ATP2B1: variants seen among roughly 807,000 people sequenced by gnomAD.
ATP2B1 encodes ATPase plasma membrane Ca2+ transporting 1, also known as plasma membrane calcium-transporting ATPase 1.
A neutral mutation model predicts 124.2 loss-of-function variants in ATP2B1; 14 were observed. That is an observed-to-expected ratio of 0.11 (90% CI 0.07 to 0.18). The LOEUF is 0.18. Among genes scored for constraint, ATP2B1 ranks in the 10% least tolerant of loss-of-function variants. ATP2B1 has a pLI of 1.00. For synonymous variants in ATP2B1, 449 were observed against 492.4 expected (o/e 0.91, Z 1.17); for missense variants, 763 against 1,466.1 (o/e 0.52, Z 7.83).
chr12:89,653,113 C>A (rs955523806), intron 2 of ATP2B1, among the ~76,000 whole-genome samples: 7 of 151,906 alleles, frequency 4.6e-5, no homozygotes, highest in African/African-American at 1.7e-4. Context: ...TTCAAAAAAA[C>A]AAATTGTGTA....
intron 1 of ATP2B1, among the ~76,000 whole-genome samples, chr12:89,667,615 TATCTGAG>T (rs1887469094): frequency 6.6e-6 from 1 of 152,180 alleles, no homozygotes. Flanking sequence ...GTCCCAAAGG[TATCTGAG>T]TAAACTCTAT....
chr12:89,671,651 C>A (rs540077431), intron 1 of ATP2B1, among the ~76,000 whole-genome samples: 9 of 152,144 alleles, frequency 5.9e-5, no homozygotes, highest in African/African-American at 1.9e-4. Flanking sequence ...CCAAACATAC[C>A]GCTTGTTCTG....
intron 1 of ATP2B1, among the ~76,000 whole-genome samples, chr12:89,689,614 G>A (rs900032524): frequency 6.6e-6 from 1 of 152,046 alleles, no homozygotes; most frequent in Non-Finnish European, 1.5e-5. Flanking sequence ...CAGCTCTGGG[G>A]CTGCCTTATT....
At chr12:89,650,509 T>G (rs900812464) in intron 2 of ATP2B1, among the ~76,000 whole-genome samples, 2 of 152,262 alleles carry the variant, frequency 1.3e-5, no homozygotes, top group East Asian at 1.9e-4. Context: ...ACACTGTGGG[T>G]TTTGTGTGTT....
chr12:89,624,480 A>T, intron 8 of ATP2B1, 83 bp from the exon 9 acceptor site: 1 of 1,125,706 alleles, frequency 8.9e-7, no homozygotes, highest in South Asian at 1.6e-5. Flanking sequence ...AAACACTGTA[A>T]AGAGTTATAA....
At chr12:89,664,714 T>C (rs1005285294) in intron 1 of ATP2B1, among the ~76,000 whole-genome samples, 5 of 152,202 alleles carry the variant, frequency 3.3e-5, no homozygotes, top group African/African-American at 9.6e-5. Flanking sequence ...CCAATGCTAC[T>C]GGTCTGGAGA....
intron 2 of ATP2B1, among the ~76,000 whole-genome samples, chr12:89,647,127 T>C (rs1884568545): frequency 6.6e-6 from 1 of 152,220 alleles, no homozygotes. Context: ...ATCAAATTAC[T>C]AGGAATAACT....
intron 1 of ATP2B1, among the ~76,000 whole-genome samples, chr12:89,674,488 T>A (rs923826880): frequency 1.3e-5 from 2 of 152,132 alleles, no homozygotes; most frequent in African/African-American, 4.8e-5. Flanking sequence ...AAGTACTACC[T>A]CTGGCTTGCT....
chr12:89,603,217 A>G lies in ATP2B1; in HGVS notation c.2886T>C (p.Ala962=), dbSNP rs1485837795. The G allele has an allele frequency of 6.2e-7, 1 of 1,610,886 alleles. No homozygotes were observed. Among genetic ancestry groups the G allele is most frequent in the African/African-American group, 1.3e-5 (1 of 74,858 alleles). ...KFFDIDSGRN[A]PLHAPPSEHY... Reference sequence around the variant, plus strand: ...GTTCTGAAGGAGGAGCATGCAAAGGAGCATTTCTTCCACTATCAATGTCAA... The same window carrying G: ...GTTCTGAAGGAGGAGCATGCAAAGGGGCATTTCTTCCACTATCAATGTCAA... Residue 962 remains alanine, a synonymous_variant, in exon 18 of 21, where the codon GCT becomes GCC. Transcript: ENST00000428670. This position sits in a 1 kb window ranked among gnomAD's most constrained non-coding sequence, Gnocchi z 4.3.
chr12:89,639,522 C>A (rs1883195065), intron 3 of ATP2B1, among the ~76,000 whole-genome samples: 1 of 150,356 alleles, frequency 6.7e-6, no homozygotes, highest in South Asian at 2.1e-4. Flanking sequence ...TATAGTCTCT[C>A]TCTATATATT....
intron 1 of ATP2B1, among the ~76,000 whole-genome samples, chr12:89,659,915 C>CAAAAAAAAAA (rs1234238576): frequency 5.3e-4 from 22 of 41,856 alleles, no homozygotes; most frequent in Admixed American, 7.4e-4. Flanking sequence ...AAGCGAGACT[C>CAAAAAAAAAA]AAAAAAAAAA....
chr12:89,675,954 G>C (rs915438093), intron 1 of ATP2B1, among the ~76,000 whole-genome samples: 1 of 152,088 alleles, frequency 6.6e-6, no homozygotes, highest in Non-Finnish European at 1.5e-5. Context: ...AATCAATTTA[G>C]ACTGGAAGAA....
chr12:89,645,608 T>G (rs967832339), intron 2 of ATP2B1, among the ~76,000 whole-genome samples: 2 of 152,152 alleles, frequency 1.3e-5, no homozygotes, highest in African/African-American at 4.8e-5. Context: ...GAGAAGACTT[T>G]CGAGCAGAAC....
At chr12:89,672,283 C>T (rs1055845624) in intron 1 of ATP2B1, among the ~76,000 whole-genome samples, 2 of 152,036 alleles carry the variant, frequency 1.3e-5, no homozygotes, top group Non-Finnish European at 2.9e-5. Flanking sequence ...GGTGAAACCC[C>T]GTCTCTATTA....
chr12:89,648,694 G>C lies in ATP2B1; in HGVS notation c.209-6339C>G, dbSNP rs149011688. 2.5e-3 allele frequency among the ~76,000 whole-genome samples: 380 copies of C among 152,370 alleles called. 3 individuals are homozygous for C. Among genetic ancestry groups the C allele is most frequent in the African/African-American group, 8.7e-3 (362 of 41,588 alleles). ...ATTAGCATGACTAAAAGAGAGCTGA[G>C]TGCTAATAGATAAGGCAATGAGAAA... On this transcript the variant is annotated intron_variant, in intron 2 of 20. Transcript: ENST00000428670.
At chr12:89,706,893 C>G (rs1396725766) in intron 1 of ATP2B1, among the ~76,000 whole-genome samples, 1 of 152,094 alleles carries the variant, frequency 6.6e-6, no homozygotes, top group Non-Finnish European at 1.5e-5. Flanking sequence ...AAAATCAGGA[C>G]AGAGATCCAC....
chr12:89,644,215 A>G (rs980253686), intron 2 of ATP2B1, among the ~76,000 whole-genome samples: 1 of 152,184 alleles, frequency 6.6e-6, no homozygotes. Context: ...TATTAAACCT[A>G]ACTTCAATTT....
At chr12:89,604,982 AC>A (rs1876560268) in intron 15 of ATP2B1, among the ~76,000 whole-genome samples, 1 of 152,028 alleles carries the variant, frequency 6.6e-6, no homozygotes, top group South Asian at 2.1e-4. Flanking sequence ...CAAACTAATA[AC>A]AATGTCATCA....
intron 3 of ATP2B1, among the ~76,000 whole-genome samples, chr12:89,638,871 A>T (rs942809399): frequency 5.3e-5 from 8 of 152,148 alleles, no homozygotes; most frequent in African/African-American, 1.4e-4. Context: ...ATATTCAAAA[A>T]TTTTTCCATT....
Sources: gnomAD v4.1 joint callset for allele counts (sites outside exome capture counted in the v4.1 genomes callset) on GRCh38, gnomAD v4.1.1 for gene constraint, Gnocchi (gnomAD v3.1) non-coding constraint, MANE v1.5 for transcripts, NCBI Gene and HGNC (gene_info 2026-07-23, HGNC 2026-07-21) for gene names.